The following BSN variants were observed in gnomAD, a reference collection of about 807,000 sequenced individuals.
BSN encodes protein bassoon.
Under a neutral mutation model 264.8 loss-of-function variants are expected in BSN, and 57 were observed. The ratio of observed to expected loss-of-function variants is 0.22; its 90% CI spans 0.17 to 0.27. The LOEUF is 0.27. Ranked by LOEUF, BSN falls within the 10% of genes least tolerant of loss-of-function variation. The pLI is 1.00. For synonymous variants in BSN, 2,059 were observed against 2,137.3 expected (o/e 0.96, Z 1.01); for missense variants, 4,615 against 5,232.5 (o/e 0.88, Z 3.64).
chr3:49,656,629 A>G lies in BSN; in HGVS notation c.7073A>G (p.Glu2358Gly). Residue 2358 changes from glutamate to glycine, a missense_variant, in exon 5 of 12, where the codon GAA becomes GGA. Physicochemically the swap from Glu to Gly is moderately conservative, Grantham distance 98. Around this residue, in one of 3 missense-constraint regions of BSN, gnomAD observed 3,415 missense variants for 3,866.4 expected, o/e 0.88. Coordinates refer to ENST00000296452, the MANE Select transcript of BSN (RefSeq NM_003458.4). ...AGCCGGCCAGGGTTCGAGAAAGAGG[A>G]AGCATCACAGGAGGAGAGGCAGCGG... ...ALSRPGFEKE[E>G]ASQEERQRKQ... The G allele has an allele frequency of 2.5e-6, 4 of 1,609,108 alleles. No individual in the cohort carries two copies. The highest frequency in any genetic ancestry group is 3.4e-6 in the Non-Finnish European group (4 of 1,177,664).
rs2052435967 is a variant in BSN, at chr3:49,638,439, A to G, written c.634-3829A>G. On this transcript the variant is annotated intron_variant, in intron 2 of 11. Coordinates refer to ENST00000296452, the MANE Select transcript of BSN (RefSeq NM_003458.4). The surrounding 1 kb of genome is among the most constrained non-coding windows in gnomAD (Gnocchi z 4.3). Reference sequence around the variant, plus strand: ...ACTGAGGTTGGGCTCCTCCCAGGAAACTGCTGGGGATCTGTCGGGGAGGCA... The same window carrying G: ...ACTGAGGTTGGGCTCCTCCCAGGAAGCTGCTGGGGATCTGTCGGGGAGGCA... 6.6e-6 allele frequency among the ~76,000 whole-genome samples: 1 copy of G among 151,950 alleles called. No individual in the cohort carries two copies. Among genetic ancestry groups the G allele is most frequent in the Non-Finnish European group, 1.5e-5 (1 of 67,976 alleles).
At chr3:49,672,688 C>T (rs912430822), downstream of BSN, among the ~76,000 whole-genome samples, 1 of 151,290 alleles carries the variant, frequency 6.6e-6, no homozygotes, top group Non-Finnish European at 1.5e-5. Context: ...TCCATGTTGG[C>T]CAAGCTGATC....
At chr3:49,564,776 C>T (rs747751966) in intron 1 of BSN, among the ~76,000 whole-genome samples, 1 of 152,152 alleles carries the variant, frequency 6.6e-6, no homozygotes, top group Non-Finnish European at 1.5e-5. Flanking sequence ...ATGACAGCTA[C>T]GGTTGGATTG....
At chr3:49,608,487 G>T (rs1341001508) in intron 1 of BSN, among the ~76,000 whole-genome samples, 1 of 152,166 alleles carries the variant, frequency 6.6e-6, no homozygotes, top group African/African-American at 2.4e-5. Context: ...TTACTGTCTT[G>T]AGATGGCATT....
chr3:49,576,029 CT>C (rs2108011676), intron 1 of BSN, among the ~76,000 whole-genome samples: 1 of 152,288 alleles, frequency 6.6e-6, no homozygotes, highest in Non-Finnish European at 1.5e-5. Flanking sequence ...CACCCTCCCA[CT>C]TTTCAGAGAA....
intron 1 of BSN, among the ~76,000 whole-genome samples, chr3:49,609,671 A>G (rs1242634154): frequency 6.6e-6 from 1 of 152,136 alleles, no homozygotes; most frequent in Non-Finnish European, 1.5e-5. Context: ...TTAGCACAAT[A>G]TAACTGGTAT....
At chr3:49,593,227 A>G (rs754972354) in intron 1 of BSN, among the ~76,000 whole-genome samples, 12 of 152,362 alleles carry the variant, frequency 7.9e-5, no homozygotes, top group South Asian at 2.1e-4. Flanking sequence ...GTATCTGTCA[A>G]TAGTTCATTC....
intron 1 of BSN, among the ~76,000 whole-genome samples, chr3:49,575,518 ATG>A (rs1316580273): frequency 2.7e-5 from 4 of 147,478 alleles, no homozygotes; most frequent in Non-Finnish European, 5.9e-5. Context: ...ATGTAAATAT[ATG>A]TGTGTATATA....
In BSN at chr3:49,660,856, G is replaced by A. The variant is rs756121574; in HGVS notation, c.9011G>A (p.Gly3004Asp). The A allele has an allele frequency of 6.2e-7, 1 of 1,613,312 alleles. No homozygotes were observed. Among genetic ancestry groups the A allele is most frequent in the Non-Finnish European group, 8.5e-7 (1 of 1,180,024 alleles). Residue 3004 changes from glycine (G) to aspartate (D), a missense_variant, in exon 6 of 12, where the codon GGT (glycine) becomes GAT (aspartate). Gly to Asp is a moderately conservative substitution (Grantham distance 94, BLOSUM62 -1). This residue lies in a region of BSN where 3,415 missense variants were observed against 3,866.4 expected (regional missense o/e 0.88). Transcript: ENST00000296452. This position sits in a 1 kb window ranked among gnomAD's most constrained non-coding sequence, Gnocchi z 7.1. ...RGGRDYPPLR[G>D]LGEHRDYLSD... ...GGCCGTGACTACCCACCCTTGCGTG[G>A]TCTTGGCGAGCATCGTGACTACCTA...
rs189519306 is a variant in BSN at position 49,566,942 on chromosome 3, A to G, written c.224+12116A>G. 2.7e-3 allele frequency among the ~76,000 whole-genome samples: 414 copies of G among 152,208 alleles called. 3 individuals carry two copies. Among genetic ancestry groups the G allele is most frequent in the African/African-American group, 9.2e-3 (384 of 41,528 alleles). ...CCATTATTTCATAACAGGTTGCAAA[A>G]TTAGCTGAAATTCTTCTATAAAAAT... On this transcript the variant is annotated intron_variant, in intron 1 of 11. Coordinates refer to ENST00000296452, the MANE Select transcript of BSN (RefSeq NM_003458.4).
intron 1 of BSN, among the ~76,000 whole-genome samples, chr3:49,615,257 C>T (rs756599278): frequency 6.6e-6 from 1 of 152,126 alleles, no homozygotes; most frequent in African/African-American, 2.4e-5. Flanking sequence ...GTGGCAGGTA[C>T]CTGGTAACAC....
rs147741618 is a variant in BSN at position 49,655,214 on chromosome 3, C to G, written c.5658C>G (p.Ala1886=). 16 of 1,612,882 alleles carry G rather than the reference C, an allele frequency of 9.9e-6. No individual in the cohort carries two copies. Among genetic ancestry groups the G allele is most frequent in the Admixed American group, 1.7e-5 (1 of 60,004 alleles). ...TTLLPEEPAG[A]LDLTGMRPES... is the part of the protein sequence containing the mutation. ...TGCTCCCAGAGGAGCCTGCGGGTGC[C>G]CTGGACCTTACCGGGATGAGGCCTG... The change falls in exon 5 of 12, where the codon GCC becomes GCG. Residue 1886 remains alanine (A), a synonymous_variant. Coordinates refer to ENST00000296452, the MANE Select transcript of BSN (RefSeq NM_003458.4).
Position 49,625,385 on chromosome 3 carries a change from T to G in BSN, c.633+2T>G. On this transcript the variant is annotated splice_donor_variant, in intron 2 of 11. Coordinates refer to ENST00000296452, the MANE Select transcript of BSN (RefSeq NM_003458.4). LOFTEE classifies it high-confidence loss of function. The surrounding 1 kb of genome is among the most constrained non-coding windows in gnomAD (Gnocchi z 4.4). ...AACCCCAACCCTCATCTCACCCAGG[T>G]AACCACTTCTGCGCCGGCTCCCCAC... 6.8e-7 allele frequency: 1 copy of G among 1,475,856 alleles called. No individual in the cohort carries two copies. The highest frequency in any genetic ancestry group is 9.0e-7 in the Non-Finnish European group (1 of 1,112,710). 91.4% of individuals were successfully genotyped at this position (1,475,856 alleles called of 1,614,324 possible).
rs1416073148 is a variant in BSN at position 49,662,481 on chromosome 3, G to A, written c.10636G>A (p.Asp3546Asn). The change falls in exon 6 of 12, where the codon GAC becomes AAC. Residue 3546 changes from aspartate to asparagine, a missense_variant. By Grantham distance (23) the Asp-to-Asn change is conservative. Transcript: ENST00000296452. ...SMPDVQEHVKDGPRAHAYKRE... is the reference protein window; with the variant it reads ...SMPDVQEHVKNGPRAHAYKRE... Reference sequence around the variant, plus strand: ...GCCTGATGTCCAGGAACATGTCAAGGACGGACCTCGGGCCCACGCATATAA... The same window carrying A: ...GCCTGATGTCCAGGAACATGTCAAGAACGGACCTCGGGCCCACGCATATAA... 6.2e-7 allele frequency: 1 copy of A among 1,613,700 alleles called. No homozygotes were observed. Among genetic ancestry groups the A allele is most frequent in the South Asian group, 1.1e-5 (1 of 91,088 alleles).
At chr3:49,578,248 TC>T (rs1264385467) in intron 1 of BSN, among the ~76,000 whole-genome samples, 37 of 152,126 alleles carry the variant, frequency 2.4e-4, no homozygotes, top group Admixed American at 2.4e-3. Context: ...TGCCACAGCC[TC>T]CCAAGTAACT....
In BSN at chr3:49,556,908, AG is replaced by A. The variant is rs2051677030; in HGVS notation, c.224+2083del. ...TAAGATTTTGAATTTCGGGGCAGTC[AG>A]AAACCTCATAGAGGTGGGTAGAAGG... On this transcript the variant is annotated intron_variant, in intron 1 of 11. Transcript: ENST00000296452. Among the ~76,000 whole-genome samples, 8 of 152,380 alleles carry A rather than the reference AG, an allele frequency of 5.3e-5. No homozygotes were observed. The South Asian group carries it at 1.7e-3, about 32-fold the overall frequency.
At chr3:49,672,758 G>C (rs2052812482), downstream of BSN, among the ~76,000 whole-genome samples, 1 of 151,066 alleles carries the variant, frequency 6.6e-6, no homozygotes, top group Non-Finnish European at 1.5e-5. Flanking sequence ...TAGGATTATA[G>C]GCGTGAGCCA....
At chr3:49,617,808 G>A (rs554249694) in intron 1 of BSN, among the ~76,000 whole-genome samples, 4 of 152,240 alleles carry the variant, frequency 2.6e-5, no homozygotes, top group African/African-American at 9.6e-5. Flanking sequence ...CTCCTGCCAC[G>A]GTGGGCCCTT....
intron 1 of BSN, among the ~76,000 whole-genome samples, chr3:49,566,749 G>C (rs2051754779): frequency 7.0e-6 from 1 of 142,234 alleles, no homozygotes; most frequent in Admixed American, 7.5e-5. Flanking sequence ...TCGTGCCACT[G>C]CACTCCAGCC....
Sources: gnomAD v4.1 joint callset for allele counts (sites outside exome capture counted in the v4.1 genomes callset) on GRCh38, gnomAD v4.1.1 for gene constraint, gnomAD v4.1.1 regional missense constraint, Gnocchi (gnomAD v3.1) non-coding constraint, MANE v1.5 for transcripts, NCBI Gene and HGNC (gene_info 2026-07-23, HGNC 2026-07-21) for gene names.